The following TMEM260 variants were observed in gnomAD, a reference collection of about 807,000 sequenced individuals.
TMEM260 encodes protein O-mannosyl-transferase TMEM260.
TMEM260 carries 82 observed loss-of-function variants against 88.9 expected under a neutral mutation model. The observed-to-expected ratio is 0.92, with a 90% CI of 0.77 to 1.11. The LOEUF (loss-of-function observed/expected upper bound fraction) is 1.11, where lower values mean the gene tolerates loss of function less well. TMEM260 is among the 50% of genes least tolerant of loss of function. The probability of loss-of-function intolerance (pLI) is 0.00; values close to 1 mark genes in which losing one functional copy is unlikely to be tolerated. For synonymous variants in TMEM260, 314 were observed against 309.3 expected, an observed-to-expected ratio of 1.02 and a Z score of -0.16; for missense variants, 902 against 853.4, an observed-to-expected ratio of 1.06 and a Z score of -0.71.
At chr14:56,598,698 A>G (rs1886391233) in intron 3 of TMEM260, among the ~76,000 whole-genome samples, 1 of 152,196 alleles carries the variant, frequency 6.6e-6, no homozygotes, top group Non-Finnish European at 1.5e-5. Context: ...TATCACTACT[A>G]GCATCATCCT....
chr14:56,621,802 A>G (rs1887940876), intron 11 of TMEM260, 100 bp downstream of exon 11: 2 of 962,868 alleles, frequency 2.1e-6, no homozygotes, highest in East Asian at 5.2e-5. Context: ...TACAGTTTTC[A>G]TGATCACTGT....
the TMEM260 span, among the ~76,000 whole-genome samples, chr14:56,662,898 C>T: frequency 1.3e-5 from 2 of 152,188 alleles, no homozygotes; most frequent in Non-Finnish European, 2.9e-5. Context: ...GAGGCCAACG[C>T]GGGCGGATCA....
At chr14:56,653,065 A>G (rs1890233953), downstream of TMEM260, among the ~76,000 whole-genome samples, 2 of 152,144 alleles carry the variant, frequency 1.3e-5, no homozygotes, top group African/African-American at 2.4e-5. Context: ...AGGCCAAGGC[A>G]GGTGGATCAC....
rs544025658 is a variant in TMEM260 at position 56,648,638 on chromosome 14, G to C, written c.*1141G>C. 6.5e-6 allele frequency: 1 copy of C among 152,758 alleles called. No individual in the cohort carries two copies. The highest frequency in any genetic ancestry group is 2.4e-5 in the African/African-American group (1 of 41,562). The allele number at this position is 152,758 out of a possible 1,614,324, so 9.5% of individuals were successfully genotyped here. A position where few individuals can be genotyped will look rare whatever the true frequency, so the allele number is the denominator to read the frequency against. ...CCTTACCAGGAATAGTCACAGTTCC[G>C]TGGCATTGTACTAGCAAAAGGGTCT... On this transcript the variant is annotated 3_prime_UTR_variant, in exon 16 of 16. Coordinates refer to ENST00000261556, the MANE Select transcript of TMEM260 (RefSeq NM_017799.4).
At chr14:56,601,767 A>C (rs960683937) in intron 3 of TMEM260, among the ~76,000 whole-genome samples, 1 of 152,084 alleles carries the variant, frequency 6.6e-6, no homozygotes, top group Non-Finnish European at 1.5e-5. Flanking sequence ...CTGTTACTAT[A>C]ATTATTTTTG....
At chr14:56,644,471 A>T (rs913053161) in intron 15 of TMEM260, among the ~76,000 whole-genome samples, 2 of 152,104 alleles carry the variant, frequency 1.3e-5, no homozygotes, top group Non-Finnish European at 2.9e-5. Flanking sequence ...CTGAAACTGG[A>T]TCCCTTCCTT....
intron 5 of TMEM260, among the ~76,000 whole-genome samples, chr14:56,606,113 A>G (rs1470779501): frequency 1.3e-5 from 2 of 152,204 alleles, no homozygotes; most frequent in African/African-American, 2.4e-5. Flanking sequence ...CATCGCTTCT[A>G]TTGTGAACTA....
chr14:56,580,632 C>G (rs8004462), intron 1 of TMEM260, among the ~76,000 whole-genome samples: 10,803 of 152,126 alleles, frequency 0.071, 471 homozygotes, highest in East Asian at 0.16. Flanking sequence ...TTAGTTGAAA[C>G]CTGAATATTG....
At chr14:56,628,031 T>A (rs922659715) in intron 12 of TMEM260, among the ~76,000 whole-genome samples, 1 of 152,242 alleles carries the variant, frequency 6.6e-6, no homozygotes, top group Non-Finnish European at 1.5e-5. Flanking sequence ...TTGGCATATT[T>A]CACTTAGTGT....
intron 7 of TMEM260, 179 bp downstream of exon 7, chr14:56,612,464 G>A (rs923806391): frequency 3.3e-6 from 2 of 607,260 alleles, no homozygotes; most frequent in African/African-American, 3.7e-5. Context: ...TGGGGTATTG[G>A]TTACAGGAAC....
At position 56,625,453 on chromosome 14, in the gene TMEM260, G is replaced by T. The variant is rs746538031; in HGVS notation, c.1470G>T (p.Arg490=). The T allele has an allele frequency of 6.2e-7, 1 of 1,613,594 alleles. No individual in the cohort carries two copies. The highest frequency in any genetic ancestry group is 8.5e-7 in the Non-Finnish European group (1 of 1,179,582). Residue 490 remains arginine (R), a synonymous_variant, in exon 12 of 16, where the codon CGG becomes CGT. Coordinates refer to ENST00000261556, the MANE Select transcript of TMEM260 (RefSeq NM_017799.4). The stretch of plus-strand genomic sequence containing the variant: ...CAGGTGTCAACTTTCCTGGGAACCG[G>T]TGGAATCCTGTGGAAGGAATATTAC... The part of the protein sequence containing the change: ...HLPGVNFPGN[R]WNPVEGILPS...
At chr14:56,584,202 T>C (rs1191022268) in intron 1 of TMEM260, among the ~76,000 whole-genome samples, 1 of 152,144 alleles carries the variant, frequency 6.6e-6, no homozygotes. Flanking sequence ...TATGAAAGGA[T>C]AGGAAGTGGA....
chr14:56,634,903 G>C lies in TMEM260; in HGVS notation c.1729G>C (p.Asp577His). 6.2e-7 allele frequency: 1 copy of C among 1,613,066 alleles called. No homozygotes were observed. The highest frequency in any genetic ancestry group is 1.7e-5 in the Admixed American group (1 of 59,974). ...ACTGTTTTCTTGTAACTACAGGTTT[G>C]ATCCATCTTCTTGGGAATCTGTGGC... ...YNWTEEYGRFDPSSWESVANE... is the reference protein window; with the variant it reads ...YNWTEEYGRFHPSSWESVANE... Residue 577 changes from aspartate to histidine, a missense_variant, in exon 14 of 16, where the codon GAT becomes CAT. Physicochemically the swap from Asp to His is moderately conservative, Grantham distance 81 (BLOSUM62 -1). Coordinates refer to ENST00000261556, the MANE Select transcript of TMEM260 (RefSeq NM_017799.4).
downstream of TMEM260, among the ~76,000 whole-genome samples, chr14:56,652,080 T>G (rs1681025978): frequency 2.0e-5 from 3 of 152,290 alleles, no homozygotes; most frequent in Middle Eastern, 3.4e-3. Context: ...CATATAAAAG[T>G]GTGTGTGATT....
chr14:56,628,646 G>GT (rs1003267841), intron 12 of TMEM260, among the ~76,000 whole-genome samples: 2 of 151,860 alleles, frequency 1.3e-5, no homozygotes, highest in African/African-American at 2.4e-5. Flanking sequence ...ATCTTCTGGG[G>GT]TTTTTTATTG....
At chr14:56,612,321 A>T (rs1178433909) in intron 7 of TMEM260, 36 bp downstream of exon 7, 1 of 1,538,892 alleles carries the variant, frequency 6.5e-7, no homozygotes, top group Admixed American at 1.7e-5. Flanking sequence ...TTTAAAATGA[A>T]TTCTCTATTA....
At chr14:56,661,534 A>AGGAGGGAGGGAG in the TMEM260 span, among the ~76,000 whole-genome samples, 2 of 107,874 alleles carry the variant, frequency 1.9e-5, no homozygotes, top group Non-Finnish European at 3.5e-5. Flanking sequence ...GAAGGAGGAA[A>AGGAGGGAGGGAG]GGAGGGAGGG....
rs764291940 is a variant in TMEM260 at position 56,625,423 on chromosome 14, C to T, written c.1440C>T (p.His480=). ...YEWYLPKMAK[H]LPGVNFPGNR... is the part of the protein sequence containing the mutation. The stretch of plus-strand genomic sequence containing the variant: ...GGTATTTACCCAAGATGGCAAAGCA[C>T]TTGCCAGGTGTCAACTTTCCTGGGA... Residue 480 remains histidine, a synonymous_variant, in exon 12 of 16, where the codon CAC becomes CAT. Transcript: ENST00000261556. 5 of 1,613,850 alleles carry T rather than the reference C, an allele frequency of 3.1e-6. No homozygotes were observed. In the South Asian group the frequency reaches 4.4e-5, roughly 14 times the overall value.
intron 3 of TMEM260, among the ~76,000 whole-genome samples, chr14:56,603,124 T>G (rs1358615031): frequency 1.3e-5 from 2 of 152,076 alleles, no homozygotes; most frequent in Non-Finnish European, 2.9e-5. Context: ...ATGGTATGGG[T>G]TTTGTTGGCA....
Sources: gnomAD v4.1 joint callset for allele counts (sites outside exome capture counted in the v4.1 genomes callset) on GRCh38, gnomAD v4.1.1 for gene constraint, MANE v1.5 for transcripts, NCBI Gene and HGNC (gene_info 2026-07-23, HGNC 2026-07-21) for gene names.